RAPGEF2: variants seen among roughly 807,000 people sequenced by gnomAD.
The protein encoded by RAPGEF2 is PDZ domain containing guanine nucleotide exchange factor (GEF) 1.
Under a neutral mutation model 186.7 loss-of-function variants are expected in RAPGEF2, and 54 were observed. The ratio of observed to expected loss-of-function variants is 0.29; its 90% confidence interval spans 0.23 to 0.36. The LOEUF is 0.36. Ranked by LOEUF, RAPGEF2 falls within the 10% of genes least tolerant of loss-of-function variation. RAPGEF2 has a pLI of 1.00. For missense variants in RAPGEF2, 1,532 were observed against 2,045.0 expected, an observed-to-expected ratio of 0.75 and a Z score of 4.84; for synonymous variants, 712 against 705.9, an observed-to-expected ratio of 1.01 and a Z score of -0.14.
chr4:159,163,783 G>C (rs1243463454), intron 1 of RAPGEF2, among the ~76,000 whole-genome samples: 1 of 150,866 alleles, frequency 6.6e-6, no homozygotes, highest in Non-Finnish European at 1.5e-5. Flanking sequence ...ATGCCAAGAA[G>C]GGGTTACTGA....
chr4:159,191,171 A>G (rs557236358), intron 2 of RAPGEF2, among the ~76,000 whole-genome samples: 4,247 of 151,452 alleles, frequency 0.028, 192 homozygotes, highest in African/African-American at 0.098. Flanking sequence ...AGTCAGGTAG[A>G]GGATGAAGTT....
At chr4:159,127,745 A>G (rs768369196) in intron 1 of RAPGEF2, among the ~76,000 whole-genome samples, 4 of 152,238 alleles carry the variant, frequency 2.6e-5, no homozygotes, top group Non-Finnish European at 5.9e-5. Flanking sequence ...TAATAGAATA[A>G]GAATACTAAT....
At chr4:159,217,024 G>A (rs531628315) in intron 4 of RAPGEF2, among the ~76,000 whole-genome samples, 146 of 151,988 alleles carry the variant, frequency 9.6e-4, no homozygotes, top group Non-Finnish European at 1.8e-3. Context: ...GCTTGCCGGT[G>A]CTGCGTGATA....
At chr4:159,220,884 GT>G (rs1233723481) in intron 4 of RAPGEF2, among the ~76,000 whole-genome samples, 11 of 152,230 alleles carry the variant, frequency 7.2e-5, no homozygotes, top group Non-Finnish European at 1.5e-4. Flanking sequence ...ACTTTAAAAA[GT>G]TTGACAATAT....
chr4:159,215,218 G>T (rs1750885905), intron 4 of RAPGEF2, among the ~76,000 whole-genome samples: 1 of 151,886 alleles, frequency 6.6e-6, no homozygotes, highest in African/African-American at 2.4e-5. Context: ...TGTCATCTGG[G>T]CTTGAGTGCA....
At chr4:159,302,988 T>G (rs905229983) in intron 7 of RAPGEF2, among the ~76,000 whole-genome samples, 1 of 152,154 alleles carries the variant, frequency 6.6e-6, no homozygotes, top group Non-Finnish European at 1.5e-5. Flanking sequence ...TCTAATTATA[T>G]GCCCCTATTA....
chr4:159,355,990 C>T lies in RAPGEF2; in HGVS notation c.4789C>T (p.Arg1597Trp), dbSNP rs368660148. ...PDYNVALQRS[R>W]MVARSSDTAG... The stretch of plus-strand genomic sequence containing the variant: ...CTACAACGTGGCCCTTCAGAGATCG[C>T]GGATGGTCGCACGATCCTCCGACAC... The change falls in exon 29 of 30, where the codon CGG becomes TGG. Residue 1597 changes from arginine (R) to tryptophan (W), a missense_variant. This residue lies in a region of RAPGEF2 where 594 missense variants were observed against 608.5 expected (regional missense o/e 0.98). Coordinates refer to ENST00000691494, the MANE Select transcript of RAPGEF2 (RefSeq NM_001394067.2). The T allele has an allele frequency of 1.2e-6, 2 of 1,613,134 alleles. No individual in the cohort carries two copies. Among genetic ancestry groups the T allele is most frequent in the Admixed American group, 1.7e-5 (1 of 59,914 alleles).
chr4:159,243,750 C>G, intron 6 of RAPGEF2, 24 bp from the exon 7 acceptor site: 1 of 1,270,448 alleles, frequency 7.9e-7, no homozygotes, highest in South Asian at 1.2e-5. Context: ...TCCTTTATGG[C>G]ACTCATTTCA....
chr4:159,212,612 AT>A (rs1252708083), intron 4 of RAPGEF2, among the ~76,000 whole-genome samples: 1 of 152,216 alleles, frequency 6.6e-6, no homozygotes, highest in Non-Finnish European at 1.5e-5. Flanking sequence ...TTTACTCTTT[AT>A]AACTTTTAGT....
intron 7 of RAPGEF2, among the ~76,000 whole-genome samples, chr4:159,286,030 A>ACCACC (rs1554026580): frequency 2.2e-5 from 2 of 89,298 alleles, no homozygotes; most frequent in East Asian, 3.7e-4. Flanking sequence ...TGTTCCCCCC[A>ACCACC]ACCACCACCA....
intron 2 of RAPGEF2, among the ~76,000 whole-genome samples, chr4:159,188,722 C>T (rs553732264): frequency 6.6e-5 from 10 of 151,682 alleles, no homozygotes; most frequent in Admixed American, 4.6e-4. Flanking sequence ...AATGAAGTTC[C>T]ATACACCCAT....
intron 3 of RAPGEF2, among the ~76,000 whole-genome samples, chr4:159,194,383 C>T (rs1748408949): frequency 6.6e-6 from 1 of 152,134 alleles, no homozygotes; most frequent in African/African-American, 2.4e-5. Flanking sequence ...ATTTTTTTCC[C>T]TCCTAAATAA....
chr4:159,249,452 CATT>C (rs199826572), intron 7 of RAPGEF2, among the ~76,000 whole-genome samples: 2,110 of 151,988 alleles, frequency 0.014, 18 homozygotes, highest in Middle Eastern at 0.068. Context: ...AGTTTTAAAA[CATT>C]ATTAACCTGA....
chr4:159,220,173 C>A (rs1031017262), intron 4 of RAPGEF2, among the ~76,000 whole-genome samples: 1 of 152,100 alleles, frequency 6.6e-6, no homozygotes, highest in Admixed American at 6.5e-5. Flanking sequence ...TTCATCATAT[C>A]AAAAAATTTC....
At chr4:159,240,562 T>C (rs1239390851) in intron 5 of RAPGEF2, among the ~76,000 whole-genome samples, 1 of 151,978 alleles carries the variant, frequency 6.6e-6, no homozygotes, top group Non-Finnish European at 1.5e-5. Context: ...CTTGAACTCC[T>C]GACCTCGTGA....
intron 8 of RAPGEF2, among the ~76,000 whole-genome samples, chr4:159,309,314 G>A (rs1763682572): frequency 6.6e-6 from 1 of 151,832 alleles, no homozygotes; most frequent in African/African-American, 2.4e-5. Context: ...CTTCCTAGAC[G>A]CCAATTGAAC....
intron 7 of RAPGEF2, among the ~76,000 whole-genome samples, chr4:159,271,310 C>T (rs972307565): frequency 7.2e-5 from 11 of 152,150 alleles, no homozygotes; most frequent in African/African-American, 2.4e-4. Flanking sequence ...TTAAATTTTA[C>T]ATTTTTGTAG....
At chr4:159,276,206 A>G (rs949456617) in intron 7 of RAPGEF2, among the ~76,000 whole-genome samples, 1 of 152,152 alleles carries the variant, frequency 6.6e-6, no homozygotes, top group South Asian at 2.1e-4. Flanking sequence ...AAATTGAGCA[A>G]TGAGTAAATT....
At chr4:159,241,939 AAAT>A (rs1377244199) in intron 6 of RAPGEF2, among the ~76,000 whole-genome samples, 1 of 152,134 alleles carries the variant, frequency 6.6e-6, no homozygotes, top group Non-Finnish European at 1.5e-5. Flanking sequence ...GAATAATTTG[AAAT>A]AATGCTTTTT....
Sources: allele counts gnomAD v4.1 joint callset (sites outside exome capture counted in the v4.1 genomes callset), GRCh38; gene constraint gnomAD v4.1.1; regional missense constraint gnomAD v4.1.1; transcripts MANE v1.5; gene names NCBI Gene and HGNC (gene_info 2026-07-23, HGNC 2026-07-21).